Variants in TRA2A observed in about 807,000 individuals in gnomAD.
The protein encoded by TRA2A is transformer 2 alpha homolog.
TRA2A carries 31 observed loss-of-function variants against 45.7 expected under a neutral mutation model. The ratio of observed to expected loss-of-function variants is 0.68; its 90% CI spans 0.51 to 0.92. TRA2A has a LOEUF of 0.92. Ranked by LOEUF, TRA2A falls within the 40% of genes least tolerant of loss-of-function variation. TRA2A has a pLI of 0.00. For synonymous variants in TRA2A, 132 were observed against 126.2 expected (o/e 1.05, Z -0.31); for missense variants, 304 against 367.5 (o/e 0.83, Z 1.41).
intron 4 of TRA2A, among the ~76,000 whole-genome samples, chr7:23,507,929 T>C (rs1394820473): frequency 6.6e-6 from 1 of 152,204 alleles, no homozygotes; most frequent in Non-Finnish European, 1.5e-5. Context: ...AAATTTTTTG[T>C]AGGTTGCCCA....
intron 1 of TRA2A, among the ~76,000 whole-genome samples, chr7:23,529,883 A>G (rs1044915269): frequency 1.4e-5 from 2 of 141,606 alleles, no homozygotes; most frequent in Admixed American, 7.5e-5. Flanking sequence ...CGGGAGTCTC[A>G]CTGTCACCCA....
intron 1 of TRA2A, chr7:23,531,585 C>A (rs1312551800): frequency 1.3e-5 from 8 of 611,538 alleles, no homozygotes; most frequent in Non-Finnish European, 2.0e-5. Flanking sequence ...AGTCAGCCTC[C>A]AAAAAAGGGG....
intron 1 of TRA2A, among the ~76,000 whole-genome samples, chr7:23,524,942 G>C (rs1790280933): frequency 6.6e-6 from 1 of 150,422 alleles, no homozygotes; most frequent in South Asian, 2.1e-4. Context: ...TGCCCGCCTT[G>C]GCCTCCCAAA....
Position 23,531,924 on chromosome 7 carries a change from A to G in TRA2A, c.-100T>C, listed in dbSNP as rs1164391246. 2 of 1,374,884 alleles carry G rather than the reference A, an allele frequency of 1.5e-6. No individual in the cohort carries two copies. The highest frequency in any genetic ancestry group is 2.0e-6 in the Non-Finnish European group (2 of 979,368). The allele number at this position is 1,374,884 out of a possible 1,614,324, so 85.2% of individuals were successfully genotyped here. On this transcript the variant is annotated 5_prime_UTR_variant, in exon 1 of 8. Transcript: ENST00000297071. ...GACTGGACCGTGGGGAAGAGGAAAG[A>G]GTCGGCAACCACAGCCGCTCCACTC...
At position 23,521,767 on chromosome 7, in the gene TRA2A, C is replaced by T. The variant is rs142235949; in HGVS notation, c.110G>A (p.Arg37His). 1.4e-4 allele frequency: 227 copies of T among 1,614,130 alleles called. No individual in the cohort carries two copies. The highest frequency in any genetic ancestry group is 1.8e-4 in the Non-Finnish European group (213 of 1,180,022). Reference protein sequence around the residue: ...RVKSESRSGSRSPSRVSKHSE... With the variant: ...RVKSESRSGSHSPSRVSKHSE... ...GTGTTTGGAAACCCTTGATGGACTA[C>T]GAGATCCTGACCTGCTCTCCGATTT... Residue 37 changes from arginine to histidine, a missense_variant, in exon 2 of 8, where the codon CGT (arginine) becomes CAT (histidine). Arg to His is a conservative substitution (Grantham distance 29, BLOSUM62 0). Coordinates refer to ENST00000297071, the MANE Select transcript of TRA2A (RefSeq NM_013293.5).
chr7:23,518,859 G>A (rs1790007253), intron 2 of TRA2A, among the ~76,000 whole-genome samples: 1 of 151,398 alleles, frequency 6.6e-6, no homozygotes, highest in South Asian at 2.1e-4. Context: ...CAAATTTTTT[G>A]TATTTTTAGT....
chr7:23,517,497 AAAAAAAAG>A (rs1562794414), intron 2 of TRA2A, among the ~76,000 whole-genome samples: 1 of 146,206 alleles, frequency 6.8e-6, no homozygotes, highest in Non-Finnish European at 1.5e-5. Flanking sequence ...AAAAAAAAAA[AAAAAAAAG>A]AGAGAAAGAA....
intron 2 of TRA2A, among the ~76,000 whole-genome samples, chr7:23,517,264 C>T (rs1307038310): frequency 2.0e-5 from 3 of 151,082 alleles, no homozygotes; most frequent in African/African-American, 7.3e-5. Context: ...GGGCGGATCA[C>T]GAGGTCAGGA....
chr7:23,512,658 C>T (rs1789679806), intron 4 of TRA2A, among the ~76,000 whole-genome samples: 1 of 151,884 alleles, frequency 6.6e-6, no homozygotes, highest in Admixed American at 6.6e-5. Flanking sequence ...CGGGGTTTCA[C>T]CGTGTTAGCC....
At chr7:23,508,090 G>T (rs955472348) in intron 4 of TRA2A, among the ~76,000 whole-genome samples, 1 of 152,004 alleles carries the variant, frequency 6.6e-6, no homozygotes, top group Non-Finnish European at 1.5e-5. Flanking sequence ...CTAGTACACT[G>T]ATTAAGACTC....
chr7:23,513,908 A>C (rs765767734), intron 3 of TRA2A, among the ~76,000 whole-genome samples: 2 of 152,110 alleles, frequency 1.3e-5, no homozygotes, highest in Non-Finnish European at 2.9e-5. Flanking sequence ...TAATTTGTGG[A>C]ATGTTGAGAA....
At chr7:23,507,240 C>T (rs1584105940) in intron 5 of TRA2A, 180 bp downstream of exon 5, 1 of 562,966 alleles carries the variant, frequency 1.8e-6, no homozygotes, top group South Asian at 2.5e-5. Flanking sequence ...GCTGGGATTA[C>T]AGGCATGTGC....
chr7:23,508,237 T>A (rs1789430618), intron 4 of TRA2A, among the ~76,000 whole-genome samples: 1 of 130,042 alleles, frequency 7.7e-6, no homozygotes, highest in Non-Finnish European at 1.6e-5. Context: ...TATCCACAAA[T>A]ATTTCTCCGT....
Position 23,505,490 on chromosome 7 carries a change from A to G in TRA2A, c.*69T>C, listed in dbSNP as rs949566570. On this transcript the variant is annotated 3_prime_UTR_variant, in exon 8 of 8. Transcript: ENST00000297071. ...TAGGAAGAATCCACAGCTTGGGGAA[A>G]TCTCAGAATTAAAAAAAAAAAAAAA... is the stretch of plus-strand genomic sequence containing the variant. 5.2e-6 allele frequency: 3 copies of G among 572,798 alleles called. No individual in the cohort carries two copies. The highest frequency in any genetic ancestry group is 6.2e-6 in the Non-Finnish European group (2 of 322,026). The allele number at this position is 572,798 out of a possible 1,614,324, so 35.5% of individuals were successfully genotyped here.
chr7:23,510,575 G>A (rs866422848), intron 4 of TRA2A, among the ~76,000 whole-genome samples: 8 of 152,046 alleles, frequency 5.3e-5, no homozygotes, highest in Admixed American at 1.3e-4. Context: ...TGATCTGCCC[G>A]CCTCAGCCTC....
At chr7:23,522,614 C>T (rs1790181244) in intron 1 of TRA2A, among the ~76,000 whole-genome samples, 1 of 149,926 alleles carries the variant, frequency 6.7e-6, no homozygotes, top group South Asian at 2.1e-4. Context: ...ACTCTAGTTT[C>T]TAACAAAGAG....
At chr7:23,513,255 A>G (rs1258633567) in intron 3 of TRA2A, among the ~76,000 whole-genome samples, 173 bp from the exon 4 acceptor site, 1 of 152,202 alleles carries the variant, frequency 6.6e-6, no homozygotes, top group Non-Finnish European at 1.5e-5. Flanking sequence ...TACAATTCAC[A>G]GTACACCCAA....
intron 2 of TRA2A, among the ~76,000 whole-genome samples, chr7:23,517,784 C>T (rs1479140052): frequency 6.6e-6 from 1 of 151,612 alleles, no homozygotes; most frequent in Admixed American, 6.6e-5. Context: ...TGGTGGCGCA[C>T]ACCTGTCATC....
At chr7:23,521,650 G>A in intron 2 of TRA2A, 57 bp downstream of exon 2, 3 of 1,589,444 alleles carry the variant, frequency 1.9e-6, no homozygotes, top group East Asian at 2.2e-5. Context: ...GCCAACAACT[G>A]CTTTGTCCTC....
Sources: allele counts gnomAD v4.1 joint callset (sites outside exome capture counted in the v4.1 genomes callset), GRCh38; gene constraint gnomAD v4.1.1; transcripts MANE v1.5; gene names NCBI Gene and HGNC (gene_info 2026-07-23, HGNC 2026-07-21).